CHD9: variants seen among roughly 807,000 people sequenced by gnomAD.
CHD9 encodes the protein ATP-dependent chromatin remodeler CHD9.
A neutral mutation model predicts 316.1 loss-of-function variants in CHD9; 77 were observed. The observed-to-expected ratio is 0.24, with a 90% CI of 0.20 to 0.29. CHD9 has a LOEUF of 0.29. Among genes scored for constraint, CHD9 ranks in the 10% least tolerant of loss-of-function variants. The probability of loss-of-function intolerance (pLI) is 1.00; values close to 1 mark genes in which losing one functional copy is unlikely to be tolerated. For synonymous variants in CHD9, 1,129 were observed against 1,158.3 expected (o/e 0.97, Z 0.51); for missense variants, 2,763 against 3,438.1 (o/e 0.80, Z 4.91).
At chr16:53,299,461 A>G (rs561633484) in intron 30 of CHD9, 1 of 212,646 alleles carries the variant, frequency 4.7e-6, no homozygotes, top group Admixed American at 5.6e-5. Context: ...GACAGGTCTG[A>G]TATCAAGCAG....
intron 34 of CHD9, among the ~76,000 whole-genome samples, chr16:53,312,271 G>A (rs2056531516): frequency 1.3e-5 from 2 of 152,104 alleles, no homozygotes. Flanking sequence ...TTAGTTGATT[G>A]GTAGACAAGA....
At chr16:53,128,999 C>T (rs529418597) in intron 1 of CHD9, among the ~76,000 whole-genome samples, 1 of 152,238 alleles carries the variant, frequency 6.6e-6, no homozygotes, top group South Asian at 2.1e-4. Context: ...ATAGCAAAAA[C>T]AGAAGTTCAA....
chr16:53,238,995 C>G (rs1224092781), intron 12 of CHD9, among the ~76,000 whole-genome samples: 1 of 152,012 alleles, frequency 6.6e-6, no homozygotes, highest in Non-Finnish European at 1.5e-5. Flanking sequence ...GGCTTAAATG[C>G]CTGTTGAGGT....
In CHD9 at chr16:53,325,019, G is replaced by A; in HGVS notation, c.*124G>A. 1 of 840,958 alleles carries A rather than the reference G, an allele frequency of 1.2e-6. No individual in the cohort carries two copies. The highest frequency in any genetic ancestry group is 1.8e-6 in the Non-Finnish European group (1 of 564,572). 52.1% of individuals were successfully genotyped at this position (840,958 alleles called of 1,614,324 possible). On this transcript the variant is annotated 3_prime_UTR_variant, in exon 39 of 39. Transcript: ENST00000447540. ...ACCGAACATTTCAGTTATTTGTTTA[G>A]AAGTGCAAACTGCTTTCAGAGACTT...
intron 36 of CHD9, among the ~76,000 whole-genome samples, chr16:53,316,271 C>T (rs1334954389): frequency 6.6e-6 from 1 of 152,138 alleles, no homozygotes; most frequent in Non-Finnish European, 1.5e-5. Context: ...AACTTCCTAA[C>T]ATGTTCAAGA....
intron 1 of CHD9, among the ~76,000 whole-genome samples, chr16:53,144,994 C>CAAAA (rs60107956): frequency 8.8e-6 from 1 of 113,514 alleles, no homozygotes; most frequent in Non-Finnish European, 1.9e-5. Flanking sequence ...GACCCTGTCT[C>CAAAA]AAAAAAAAAA....
At chr16:53,067,738 C>T (rs2033648917) in intron 1 of CHD9, among the ~76,000 whole-genome samples, 1 of 152,134 alleles carries the variant, frequency 6.6e-6, no homozygotes, top group Non-Finnish European at 1.5e-5. Context: ...GACTTATTAC[C>T]AGGTGGCTAA....
chr16:53,172,537 G>A (rs750775657), intron 2 of CHD9, among the ~76,000 whole-genome samples: 1 of 152,044 alleles, frequency 6.6e-6, no homozygotes, highest in Non-Finnish European at 1.5e-5. Context: ...GTAAATACCT[G>A]GCAATGGCTG....
chr16:53,299,555 C>T, intron 30 of CHD9: 1 of 340,824 alleles, frequency 2.9e-6, no homozygotes, highest in Non-Finnish European at 5.6e-6. Flanking sequence ...AGGTCATATA[C>T]CCTCCTCAGC....
rs2056122264 is a variant in CHD9 at position 53,307,845 on chromosome 16, A to G, written c.6945A>G (p.Val2315=). 1 of 1,613,698 alleles carries G rather than the reference A, an allele frequency of 6.2e-7. No homozygotes were observed. The highest frequency in any genetic ancestry group is 1.3e-5 in the African/African-American group (1 of 74,930). The change falls in exon 33 of 39, where the codon GTA becomes GTG. Residue 2315 remains valine (V), a synonymous_variant. Transcript: ENST00000447540. The part of the protein sequence containing the change: ...GAATEYSDPS[V]PTPPGAGVKE... ...CTACAGAATACAGCGATCCCAGTGT[A>G]CCCACTCCCCCAGGTGCCGGTGTTA... is the stretch of plus-strand genomic sequence containing the variant.
chr16:53,256,647 C>CTTT (rs58475752), intron 19 of CHD9, among the ~76,000 whole-genome samples: 1 of 142,046 alleles, frequency 7.0e-6, no homozygotes. Flanking sequence ...TTTCTCTCTC[C>CTTT]TTTTTTTTTT....
At chr16:53,267,194 G>T in intron 20 of CHD9, 100 bp from the exon 21 acceptor site, 1 of 687,170 alleles carries the variant, frequency 1.5e-6, no homozygotes. Context: ...CTTTTTGTCT[G>T]TGTTTCTGTA....
chr16:53,253,059 A>G (rs2050259901), intron 17 of CHD9, among the ~76,000 whole-genome samples: 1 of 152,164 alleles, frequency 6.6e-6, no homozygotes, highest in African/African-American at 2.4e-5. Context: ...TATCTACTAA[A>G]AGGAAAATAA....
chr16:53,080,660 G>A (rs528624853), intron 1 of CHD9, among the ~76,000 whole-genome samples: 2 of 152,284 alleles, frequency 1.3e-5, no homozygotes, highest in African/African-American at 2.4e-5. Context: ...GCCAGGAAGC[G>A]TAGTAAATAC....
intron 1 of CHD9, among the ~76,000 whole-genome samples, chr16:53,103,756 T>C (rs150562506): frequency 1.3e-5 from 2 of 152,354 alleles, no homozygotes; most frequent in African/African-American, 2.4e-5. Context: ...ATACCTAACA[T>C]TGGTCTCTAG....
intron 1 of CHD9, among the ~76,000 whole-genome samples, chr16:53,132,220 C>G (rs376719254): frequency 6.6e-6 from 1 of 151,852 alleles, no homozygotes; most frequent in African/African-American, 2.4e-5. Flanking sequence ...AGTTACTTTC[C>G]TGAAAGTCTG....
chr16:53,129,486 AAT>A (rs2039119182), intron 1 of CHD9, among the ~76,000 whole-genome samples: 1 of 152,180 alleles, frequency 6.6e-6, no homozygotes, highest in Non-Finnish European at 1.5e-5. Flanking sequence ...ATCTCAGCTA[AAT>A]AGAGTTATGC....
At chr16:53,120,020 G>A (rs926876347) in intron 1 of CHD9, among the ~76,000 whole-genome samples, 5 of 151,048 alleles carry the variant, frequency 3.3e-5, no homozygotes, top group Admixed American at 1.3e-4. Context: ...AAGCCTCGGA[G>A]TTTGAGACCA....
At chr16:53,141,920 GAA>G (rs1162576322) in intron 1 of CHD9, among the ~76,000 whole-genome samples, 1 of 152,124 alleles carries the variant, frequency 6.6e-6, no homozygotes, top group Non-Finnish European at 1.5e-5. Flanking sequence ...GGAGGTGTGA[GAA>G]AGTTTGTTGA....
Sources: gnomAD v4.1 joint callset for allele counts (sites outside exome capture counted in the v4.1 genomes callset) on GRCh38, gnomAD v4.1.1 for gene constraint, MANE v1.5 for transcripts, NCBI Gene and HGNC (gene_info 2026-07-23, HGNC 2026-07-21) for gene names.